CTNND2: variants seen among roughly 807,000 people sequenced by gnomAD.
CTNND2 encodes catenin delta 2, also known as catenin delta-2.
A neutral mutation model predicts 144.4 loss-of-function variants in CTNND2; 22 were observed. The ratio of observed to expected loss-of-function variants is 0.15; its 90% CI spans 0.11 to 0.22. The LOEUF is 0.22. Ranked by LOEUF, CTNND2 falls within the 10% of genes least tolerant of loss-of-function variation. The probability of loss-of-function intolerance (pLI) is 1.00; values close to 1 mark genes in which losing one functional copy is unlikely to be tolerated. For synonymous variants in CTNND2, 751 were observed against 695.6 expected (o/e 1.08, Z -1.25); for missense variants, 1,353 against 1,618.8 (o/e 0.84, Z 2.82).
intron 3 of CTNND2, among the ~76,000 whole-genome samples, chr5:11,431,110 C>G (rs1763249822): frequency 6.6e-6 from 1 of 152,144 alleles, no homozygotes; most frequent in Admixed American, 6.5e-5. Context: ...GAGGTTATAT[C>G]ATTTAGTAGA....
intron 2 of CTNND2, among the ~76,000 whole-genome samples, chr5:11,615,955 C>T (rs750784919): frequency 6.6e-6 from 1 of 152,142 alleles, no homozygotes; most frequent in Non-Finnish European, 1.5e-5. Context: ...TGAGATGGTC[C>T]TCTATCTCCA....
chr5:11,666,537 T>C (rs914825489), intron 2 of CTNND2, among the ~76,000 whole-genome samples: 5 of 152,158 alleles, frequency 3.3e-5, no homozygotes, highest in Non-Finnish European at 7.3e-5. Context: ...AGGAATATGT[T>C]TGGATAAAAG....
At chr5:11,277,699 T>G (rs1357815095) in intron 9 of CTNND2, among the ~76,000 whole-genome samples, 1 of 151,958 alleles carries the variant, frequency 6.6e-6, no homozygotes, top group Non-Finnish European at 1.5e-5. Context: ...ACTTGGCTAA[T>G]TTTTGTATTT....
intron 12 of CTNND2, among the ~76,000 whole-genome samples, chr5:11,139,313 C>T (rs925283354): frequency 1.3e-5 from 2 of 152,202 alleles, no homozygotes; most frequent in Non-Finnish European, 2.9e-5. Flanking sequence ...TCTTGTTACC[C>T]AAGAAGCCTG....
At chr5:11,096,787 G>T (rs533692620) in intron 15 of CTNND2, among the ~76,000 whole-genome samples, 7 of 149,712 alleles carry the variant, frequency 4.7e-5, no homozygotes, top group Middle Eastern at 3.5e-3. Context: ...GAGGGAGGGA[G>T]GAAGAGAGAG....
At chr5:11,380,681 G>A (rs1758394592) in intron 7 of CTNND2, among the ~76,000 whole-genome samples, 1 of 152,142 alleles carries the variant, frequency 6.6e-6, no homozygotes, top group Non-Finnish European at 1.5e-5. Context: ...GAATTGTAGT[G>A]TTTTCCCAGA....
chr5:11,525,188 G>T (rs1773127738), intron 3 of CTNND2, among the ~76,000 whole-genome samples: 1 of 152,066 alleles, frequency 6.6e-6, no homozygotes, highest in Non-Finnish European at 1.5e-5. Context: ...AAACATCCAT[G>T]CTTGAGTTAC....
chr5:11,888,074 G>C (rs141173602), intron 1 of CTNND2, among the ~76,000 whole-genome samples: 70 of 152,200 alleles, frequency 4.6e-4, no homozygotes, highest in African/African-American at 1.5e-3. Flanking sequence ...TAAACATTTG[G>C]ACAAGACTTG....
intron 9 of CTNND2, among the ~76,000 whole-genome samples, chr5:11,331,354 C>T (rs1019425756): frequency 6.6e-6 from 1 of 152,054 alleles, no homozygotes; most frequent in Non-Finnish European, 1.5e-5. Flanking sequence ...GAAATTAACC[C>T]CTGTAGAAGT....
intron 11 of CTNND2, among the ~76,000 whole-genome samples, chr5:11,192,469 A>G (rs549027961): frequency 1.3e-5 from 2 of 152,286 alleles, no homozygotes; most frequent in South Asian, 4.2e-4. Context: ...GAAGGTAAAG[A>G]ATCTAAAATG....
rs960625209 is a variant in CTNND2 at position 11,761,613 on chromosome 5, G to A, written c.38-29341C>T. Among the ~76,000 whole-genome samples, 8 of 152,042 alleles carry A rather than the reference G, an allele frequency of 5.3e-5. No homozygotes were observed. The South Asian group carries it at 1.7e-3, about 31-fold the overall frequency. On this transcript the variant is annotated intron_variant, in intron 1 of 21. Transcript: ENST00000304623. ...ATTTGAATTTATTGTATTTAAATTT[G>A]TATCATAATATTTCAATAAACTCAA...
intron 18 of CTNND2, among the ~76,000 whole-genome samples, chr5:11,011,338 C>T (rs1051912482): frequency 1.2e-4 from 19 of 152,110 alleles, no homozygotes; most frequent in South Asian, 2.1e-4. Context: ...CTCTGCCTCC[C>T]GAGTAGCTGG....
intron 12 of CTNND2, among the ~76,000 whole-genome samples, chr5:11,133,583 C>A (rs905167152): frequency 2.0e-5 from 3 of 152,042 alleles, no homozygotes; most frequent in South Asian, 4.2e-4. Context: ...AATTCCTGGC[C>A]TCAGGTGATT....
At chr5:11,274,924 T>C (rs182277502) in intron 9 of CTNND2, among the ~76,000 whole-genome samples, 17 of 152,276 alleles carry the variant, frequency 1.1e-4, no homozygotes, top group African/African-American at 3.6e-4. Context: ...AAAATCTTTC[T>C]GTTGCAAGAA....
chr5:11,707,572 G>T (rs1360177492), intron 2 of CTNND2, among the ~76,000 whole-genome samples: 1 of 152,146 alleles, frequency 6.6e-6, no homozygotes, highest in Non-Finnish European at 1.5e-5. Flanking sequence ...ACTACAATAG[G>T]TGATGAGTGA....
chr5:11,859,919 C>A (rs765301013), intron 1 of CTNND2, among the ~76,000 whole-genome samples: 2 of 152,144 alleles, frequency 1.3e-5, no homozygotes, highest in Non-Finnish European at 2.9e-5. Flanking sequence ...CTAGGGACTA[C>A]CAGATATAGA....
At position 11,384,712 on chromosome 5, in the gene CTNND2, T is replaced by A. The variant is rs1393385434; in HGVS notation, c.1130A>T (p.Gln377Leu). The A allele has an allele frequency of 6.2e-7, 1 of 1,610,752 alleles. No homozygotes were observed. Among genetic ancestry groups the A allele is most frequent in the African/African-American group, 1.3e-5 (1 of 74,872 alleles). ...HASEQYSKHS[Q>L]ELYATATLQR... The stretch of plus-strand genomic sequence containing the variant: ...GAGGGTGGCCGTGGCATACAGCTCC[T>A]GCGAGTGCTTGCTGTACTGCTCGGA... Residue 377 changes from glutamine (Q) to leucine (L), a missense_variant, in exon 7 of 22, where the codon CAG becomes CTG. This residue lies in a region of CTNND2 where 708 missense variants were observed against 706.4 expected (regional missense o/e 1.00). Coordinates refer to ENST00000304623, the MANE Select transcript of CTNND2 (RefSeq NM_001332.4). The surrounding 1 kb of genome is among the most constrained non-coding windows in gnomAD (Gnocchi z 5.2).
At chr5:11,733,336 G>A (rs933624344) in intron 1 of CTNND2, among the ~76,000 whole-genome samples, 6 of 152,100 alleles carry the variant, frequency 3.9e-5, no homozygotes, top group African/African-American at 1.4e-4. Flanking sequence ...GTGTCGGACT[G>A]ATAGAGTAGA....
At position 11,299,650 on chromosome 5, in the gene CTNND2, A is replaced by G. The variant is rs1202842511; in HGVS notation, c.1628+46722T>C. 2.0e-5 allele frequency among the ~76,000 whole-genome samples: 3 copies of G among 152,174 alleles called. No individual in the cohort carries two copies. The East Asian group carries it at 5.8e-4, about 29-fold the overall frequency. ...GTCGTCTAAGGTAGAAACATGTAGA[A>G]TGGCCATGTTATTCCTCCCCTCCGT... On this transcript the variant is annotated intron_variant, in intron 9 of 21. Transcript: ENST00000304623.
Sources: gnomAD v4.1 joint callset for allele counts (sites outside exome capture counted in the v4.1 genomes callset) on GRCh38, gnomAD v4.1.1 for gene constraint, gnomAD v4.1.1 regional missense constraint, Gnocchi (gnomAD v3.1) non-coding constraint, MANE v1.5 for transcripts, NCBI Gene and HGNC (gene_info 2026-07-23, HGNC 2026-07-21) for gene names.